Variants in LDLRAD4 observed in about 807,000 individuals in gnomAD.
LDLRAD4 encodes low-density lipoprotein receptor class A domain-containing protein 4.
A neutral mutation model predicts 17.0 loss-of-function variants in LDLRAD4; 5 were observed. That is an observed-to-expected ratio of 0.29 (90% CI 0.15 to 0.62). The LOEUF (loss-of-function observed/expected upper bound fraction) is 0.62, where lower values mean the gene tolerates loss of function less well. LDLRAD4 is among the 20% of genes least tolerant of loss of function. LDLRAD4 has a pLI of 0.84. For synonymous variants in LDLRAD4, 168 were observed against 171.8 expected (o/e 0.98, Z 0.17); for missense variants, 340 against 424.7 (o/e 0.80, Z 1.75).
intron 2 of LDLRAD4, among the ~76,000 whole-genome samples, chr18:13,389,362 C>T (rs770758127): frequency 6.6e-6 from 1 of 152,088 alleles, no homozygotes; most frequent in African/African-American, 2.4e-5. Flanking sequence ...GCAGCTCCCT[C>T]GTGGATACCC....
chr18:13,649,871 C>T (rs1465385439), exon 6 of LDLRAD4: 3 of 396,072 alleles, frequency 7.6e-6, no homozygotes, highest in African/African-American at 2.1e-5. Context: ...GCCCTTTGCT[C>T]TCCTGCTCAC....
intron 3 of LDLRAD4, among the ~76,000 whole-genome samples, chr18:13,610,301 T>A (rs1170459972): frequency 1.5e-5 from 1 of 64,694 alleles, no homozygotes; most frequent in East Asian, 4.5e-4. Flanking sequence ...TTTTTTTTTT[T>A]TTTTGAGACG....
intron 1 of LDLRAD4, among the ~76,000 whole-genome samples, chr18:13,289,563 G>T (rs531686091): frequency 1.2e-3 from 182 of 152,342 alleles, no homozygotes; most frequent in Non-Finnish European, 2.3e-3. Context: ...GGGAGCTTCA[G>T]TGAAGAAAGC....
At chr18:13,444,996 T>C (rs1232750318) in intron 3 of LDLRAD4, among the ~76,000 whole-genome samples, 1 of 152,184 alleles carries the variant, frequency 6.6e-6, no homozygotes, top group Admixed American at 6.5e-5. Context: ...TAGACTGCCA[T>C]AAACACCCAA....
intron 3 of LDLRAD4, among the ~76,000 whole-genome samples, chr18:13,447,893 G>T (rs745840547): frequency 1.3e-5 from 2 of 152,200 alleles, no homozygotes; most frequent in African/African-American, 4.8e-5. Flanking sequence ...GCAATGAGAC[G>T]CCGGCTTAAG....
At chr18:13,582,977 G>T (rs903530702) in intron 3 of LDLRAD4, among the ~76,000 whole-genome samples, 3 of 152,162 alleles carry the variant, frequency 2.0e-5, no homozygotes, top group Non-Finnish European at 4.4e-5. Flanking sequence ...CAGCTTCCCA[G>T]TGTGCTGGGA....
At chr18:13,496,290 G>C (rs1407749827) in intron 3 of LDLRAD4, among the ~76,000 whole-genome samples, 1 of 152,200 alleles carries the variant, frequency 6.6e-6, no homozygotes, top group Non-Finnish European at 1.5e-5. Context: ...CCTTAAAAAT[G>C]TGGCGGCCTT....
intron 1 of LDLRAD4, among the ~76,000 whole-genome samples, chr18:13,357,808 G>C (rs1599649760): frequency 6.6e-6 from 1 of 152,106 alleles, no homozygotes; most frequent in East Asian, 1.9e-4. Flanking sequence ...ATGGTATATG[G>C]CTCATATAAA....
In LDLRAD4 at chr18:13,645,421, T is replaced by C; in HGVS notation, c.685T>C (p.Cys229Arg). ...CATTGCTATGTATAGCGGGGGTCCA[T>C]GCCCACCCAGCAGCAACTCGGGCAT... is the stretch of plus-strand genomic sequence containing the variant. The change falls in exon 6 of 6, where the codon TGC becomes CGC. Residue 229 changes from cysteine to arginine, a missense_variant. By Grantham distance (180) the Cys-to-Arg change is radical (BLOSUM62 -3). Transcript: ENST00000359446. This position sits in a 1 kb window ranked among gnomAD's most constrained non-coding sequence, Gnocchi z 5.7. 6.2e-7 allele frequency: 1 copy of C among 1,614,160 alleles called. No homozygotes were observed.
chr18:13,576,437 A>AAAAAAAAAAAAAAAAG (rs1555750703), intron 3 of LDLRAD4, among the ~76,000 whole-genome samples: 1 of 83,598 alleles, frequency 1.2e-5, no homozygotes, highest in African/African-American at 3.1e-5. Context: ...AAAAAAAAAA[A>AAAAAAAAAAAAAAAAG]AAAGAAAGAA....
chr18:13,532,756 G>A (rs993323522), intron 3 of LDLRAD4, among the ~76,000 whole-genome samples: 2 of 152,216 alleles, frequency 1.3e-5, no homozygotes, highest in Admixed American at 6.5e-5. Flanking sequence ...TAGCAGTGGC[G>A]CTTGTGAAAT....
chr18:13,485,584 C>T (rs1293797097), intron 3 of LDLRAD4, among the ~76,000 whole-genome samples: 2 of 152,234 alleles, frequency 1.3e-5, no homozygotes, highest in Non-Finnish European at 2.9e-5. Flanking sequence ...CAGAGATGTG[C>T]CCTGCTGGGC....
chr18:13,502,631 CCG>C (rs2093630208), intron 3 of LDLRAD4, among the ~76,000 whole-genome samples: 2 of 151,164 alleles, frequency 1.3e-5, no homozygotes, highest in African/African-American at 4.9e-5. Flanking sequence ...AAGGAACAAG[CCG>C]TGTAGCTCTG....
At chr18:13,313,578 C>T (rs1413161552) in intron 1 of LDLRAD4, among the ~76,000 whole-genome samples, 6 of 152,366 alleles carry the variant, frequency 3.9e-5, no homozygotes, top group African/African-American at 9.6e-5. Flanking sequence ...CTGCCTTCCC[C>T]CGCCACCGTC....
At chr18:13,490,302 G>A (rs2093332704) in intron 3 of LDLRAD4, 1 of 152,342 alleles carries the variant, frequency 6.6e-6, no homozygotes, top group Non-Finnish European at 1.5e-5. Context: ...GTGACAATAT[G>A]ATGCTCAAAG....
Position 13,246,204 on chromosome 18 carries a change from T to C in LDLRAD4, c.-467+27216T>C, listed in dbSNP as rs1156988047. Among the ~76,000 whole-genome samples the C allele has an allele frequency of 2.0e-5, 3 of 152,262 alleles. No homozygotes were observed. In the East Asian group the frequency reaches 5.8e-4, roughly 29 times the overall value. On this transcript the variant is annotated intron_variant, in intron 1 of 5. Transcript: ENST00000399848. ...CACAAAGCATTCACTGAAGAGCTAA[T>C]TGCAGCCTCCAGAGGTTTGGGTGGT... is the stretch of plus-strand genomic sequence containing the variant.
chr18:13,285,819 A>G (rs1295280941), intron 1 of LDLRAD4, among the ~76,000 whole-genome samples: 3 of 152,198 alleles, frequency 2.0e-5, no homozygotes, highest in Admixed American at 1.3e-4. Flanking sequence ...CTTTCACAGC[A>G]CACTGTTAAC....
intron 3 of LDLRAD4, among the ~76,000 whole-genome samples, chr18:13,511,537 T>A (rs540018049): frequency 1.8e-4 from 27 of 152,314 alleles, no homozygotes; most frequent in African/African-American, 6.3e-4. Flanking sequence ...TCACACAGGT[T>A]ATCAGTGTAC....
chr18:13,498,510 G>GCC (rs1247366863), intron 3 of LDLRAD4, among the ~76,000 whole-genome samples: 7 of 111,126 alleles, frequency 6.3e-5, no homozygotes, highest in South Asian at 2.9e-4. Flanking sequence ...AATCCTTCTT[G>GCC]ACACACGTGT....
Sources: allele counts gnomAD v4.1 joint callset (sites outside exome capture counted in the v4.1 genomes callset), GRCh38; gene constraint gnomAD v4.1.1; non-coding constraint Gnocchi (gnomAD v3.1); transcripts MANE v1.5; gene names NCBI Gene and HGNC (gene_info 2026-07-23, HGNC 2026-07-21).